Variants in SRSF1 observed in about 807,000 individuals in gnomAD.
SRSF1 encodes serine/arginine-rich splicing factor 1.
SRSF1 carries 1 observed loss-of-function variant against 25.9 expected under a neutral mutation model. That is an observed-to-expected ratio of 0.04 (90% CI 0.01 to 0.18). The LOEUF is 0.18. Among genes scored for constraint, SRSF1 ranks in the 10% least tolerant of loss-of-function variants. The pLI, the probability that SRSF1 is intolerant of heterozygous loss-of-function variation, is 1.00. For missense variants in SRSF1, 65 were observed against 350.5 expected (o/e 0.19, Z 6.50); for synonymous variants, 132 against 126.2 (o/e 1.05, Z -0.31).
downstream of SRSF1, among the ~76,000 whole-genome samples, chr17:57,996,838 A>C (rs1055138630): frequency 7.9e-5 from 12 of 152,170 alleles, no homozygotes; most frequent in African/African-American, 2.9e-4. Context: ...CAGGGTCCTA[A>C]AGTTAATGCT....
chr17:58,005,971 G>A lies in SRSF1; in HGVS notation c.382C>T (p.Leu128=), dbSNP rs1015796650. The change falls in exon 3 of 4, where the codon CTG becomes TTG. Residue 128 remains leucine (L), a splice_region_variant and synonymous_variant. Coordinates refer to ENST00000258962, the MANE Select transcript of SRSF1 (RefSeq NM_006924.5). The surrounding 1 kb of genome is among the most constrained non-coding windows in gnomAD (Gnocchi z 5.2). ...TCCTGCCAACTTCCACTTGGAGGCA[G>A]TCCTGAAAAAGTGATTTTTTTTTTC... ...RSENRVVVSG[L]PPSGSWQDLK... is the part of the protein sequence containing the mutation. The A allele has an allele frequency of 3.1e-6, 5 of 1,607,692 alleles. No individual in the cohort carries two copies. Among genetic ancestry groups the A allele is most frequent in the Admixed American group, 1.7e-5 (1 of 59,420 alleles).
At chr17:57,993,651 A>G in the SRSF1 span, 2 of 152,266 alleles carry the variant, frequency 1.3e-5, no homozygotes, top group Non-Finnish European at 2.9e-5. Flanking sequence ...CAGAATTCCT[A>G]GAGGACAGGA....
At position 58,005,210 on chromosome 17, in the gene SRSF1, G is replaced by A; in HGVS notation, c.*196C>T. On this transcript the variant is annotated 3_prime_UTR_variant, in exon 4 of 4. Transcript: ENST00000258962. This position sits in a 1 kb window ranked among gnomAD's most constrained non-coding sequence, Gnocchi z 5.2. ...ACTAAATTTAAACAATCCTGTCTATGACATCACTTAAAATACAATTTATCA... is the reference window on the plus strand; with the variant it reads ...ACTAAATTTAAACAATCCTGTCTATAACATCACTTAAAATACAATTTATCA... The A allele has an allele frequency of 1.6e-6, 1 of 620,396 alleles. No homozygotes were observed. Among genetic ancestry groups the A allele is most frequent in the East Asian group, 2.7e-5 (1 of 36,454 alleles). 38.4% of individuals were successfully genotyped at this position (620,396 alleles called of 1,614,324 possible). A position where few individuals can be genotyped will look rare whatever the true frequency, so the allele number is the denominator to read the frequency against.
At chr17:57,998,504 C>A (rs894563383), downstream of SRSF1, among the ~76,000 whole-genome samples, 11 of 152,150 alleles carry the variant, frequency 7.2e-5, no homozygotes, top group African/African-American at 2.7e-4. Context: ...TAGCACTTTT[C>A]TTTCTACAAG....
Position 58,007,225 on chromosome 17 carries a change from C to G in SRSF1, c.-88G>C. On this transcript the variant is annotated 5_prime_UTR_variant, in exon 1 of 4. Transcript: ENST00000258962. ...GCGAGCCCGCAGCGGCACCACGTCT[C>G]CCGCGGCCCCTCCAAAATGGCGCCT... 1 of 1,493,104 alleles carries G rather than the reference C, an allele frequency of 6.7e-7. No individual in the cohort carries two copies. Among genetic ancestry groups the G allele is most frequent in the Non-Finnish European group, 9.1e-7 (1 of 1,095,342 alleles). The allele number at this position is 1,493,104 out of a possible 1,614,324, so 92.5% of individuals were successfully genotyped here.
At chr17:57,995,670 T>G in the SRSF1 span, among the ~76,000 whole-genome samples, 23 of 152,194 alleles carry the variant, frequency 1.5e-4, no homozygotes, top group Non-Finnish European at 2.9e-4. Flanking sequence ...CAGACTTTTC[T>G]CCCCGAGGCC....
At chr17:57,998,356 TATA>T (rs1221690563), downstream of SRSF1, among the ~76,000 whole-genome samples, 2 of 152,298 alleles carry the variant, frequency 1.3e-5, no homozygotes, top group African/African-American at 4.8e-5. Context: ...TGACTGATCC[TATA>T]ATCTTATGTA....
At chr17:57,996,494 A>AAAC (rs1555574746), downstream of SRSF1, among the ~76,000 whole-genome samples, 1 of 150,822 alleles carries the variant, frequency 6.6e-6, no homozygotes, top group African/African-American at 2.4e-5. Context: ...AAAAAAAAAA[A>AAAC]AAAAAAAAAC....
At chr17:57,995,493 G>A in the SRSF1 span, among the ~76,000 whole-genome samples, 1 of 152,172 alleles carries the variant, frequency 6.6e-6, no homozygotes, top group Non-Finnish European at 1.5e-5. Flanking sequence ...AAGGAGCTAG[G>A]CATCCCTCTT....
At chr17:57,995,517 C>G in the SRSF1 span, among the ~76,000 whole-genome samples, 1 of 152,212 alleles carries the variant, frequency 6.6e-6, no homozygotes, top group Non-Finnish European at 1.5e-5. Context: ...TGCTGCCAGG[C>G]TCTGGAACAT....
At chr17:57,999,645 G>A (rs751168827), downstream of SRSF1, among the ~76,000 whole-genome samples, 4 of 152,082 alleles carry the variant, frequency 2.6e-5, no homozygotes, top group Admixed American at 6.5e-5. Flanking sequence ...ATCTATAATG[G>A]GGATTATTTC....
chr17:57,989,108 A>ACTT, the SRSF1 span: 5 of 397,770 alleles, frequency 1.3e-5, no homozygotes, highest in South Asian at 4.0e-4. Flanking sequence ...CAAAAATCGA[A>ACTT]CTTCTGGTTG....
At chr17:57,989,089 C>T in the SRSF1 span, 8 of 397,166 alleles carry the variant, frequency 2.0e-5, no homozygotes, top group Non-Finnish European at 3.1e-5. Context: ...TCCTCCTTCA[C>T]CCCCAGAACA....
chr17:57,995,155 T>C, the SRSF1 span, among the ~76,000 whole-genome samples: 1 of 152,198 alleles, frequency 6.6e-6, no homozygotes. Context: ...AATGCAAACA[T>C]TTTTATTGGA....
rs771758526 is a variant in SRSF1, at chr17:58,001,799, C to T, written c.*3607G>A. 2.6e-5 allele frequency among the ~76,000 whole-genome samples: 4 copies of T among 152,180 alleles called. No individual in the cohort carries two copies. Among genetic ancestry groups the T allele is most frequent in the Non-Finnish European group, 5.9e-5 (4 of 68,018 alleles). ...CCATCACAGCTTTTAGCTGTCTGGT[C>T]ATCTTAACTACAAAACCTATGCCCC... On this transcript the variant is annotated 3_prime_UTR_variant, in exon 4 of 4. Coordinates refer to ENST00000258962, the MANE Select transcript of SRSF1 (RefSeq NM_006924.5).
At position 58,005,655 on chromosome 17, in the gene SRSF1, G is replaced by A; in HGVS notation, c.553-55C>T. On this transcript the variant is annotated intron_variant, in intron 3 of 3. Coordinates refer to ENST00000258962, the MANE Select transcript of SRSF1 (RefSeq NM_006924.5). The surrounding 1 kb of genome is among the most constrained non-coding windows in gnomAD (Gnocchi z 5.2). ...AGATCTAAGCTTTCATCTATCTTCA[G>A]ACATGCTGAATGAATACAATGTAAC... 6.2e-7 allele frequency: 1 copy of A among 1,610,228 alleles called. No individual in the cohort carries two copies. Among genetic ancestry groups the A allele is most frequent in the Non-Finnish European group, 8.5e-7 (1 of 1,177,230 alleles).
the SRSF1 span, among the ~76,000 whole-genome samples, chr17:57,995,847 A>C: frequency 6.6e-6 from 1 of 152,240 alleles, no homozygotes; most frequent in African/African-American, 2.4e-5. Flanking sequence ...AATTAAAATG[A>C]GCCACAGTAT....
At chr17:57,989,343 A>C in the SRSF1 span, 1 of 398,616 alleles carries the variant, frequency 2.5e-6, no homozygotes, top group Non-Finnish European at 4.4e-6. Context: ...CAGGGAAATG[A>C]GGGGGCAGGC....
rs2075398656 is a variant in SRSF1, at chr17:58,002,490, T to C, written c.*2916A>G. On this transcript the variant is annotated 3_prime_UTR_variant, in exon 4 of 4. Coordinates refer to ENST00000258962, the MANE Select transcript of SRSF1 (RefSeq NM_006924.5). ...TTTAGGTCCCCTCCCCCAACCTAAA[T>C]AGTACCAAGGGGCTGTCAGTAGACA... Among the ~76,000 whole-genome samples, 1 of 152,176 alleles carries C rather than the reference T, an allele frequency of 6.6e-6. No homozygotes were observed. The highest frequency in any genetic ancestry group is 2.4e-5 in the African/African-American group (1 of 41,450).
Sources: allele counts gnomAD v4.1 joint callset (sites outside exome capture counted in the v4.1 genomes callset), GRCh38; gene constraint gnomAD v4.1.1; non-coding constraint Gnocchi (gnomAD v3.1); transcripts MANE v1.5; gene names NCBI Gene and HGNC (gene_info 2026-07-23, HGNC 2026-07-21).